The following BRINP3 variants were observed in gnomAD, a reference collection of about 807,000 sequenced individuals.
BRINP3 encodes BMP/retinoic acid-inducible neural-specific protein 3.
Under a neutral mutation model 71.0 loss-of-function variants are expected in BRINP3, and 19 were observed. The ratio of observed to expected loss-of-function variants is 0.27; its 90% CI spans 0.19 to 0.39. The LOEUF is 0.39. Among genes scored for constraint, BRINP3 ranks in the 10% least tolerant of loss-of-function variants. The pLI is 1.00. For missense variants in BRINP3, 959 were observed against 940.8 expected, an observed-to-expected ratio of 1.02 and a Z score of -0.25; for synonymous variants, 380 against 337.7, an observed-to-expected ratio of 1.13 and a Z score of -1.37.
chr1:190,361,869 G>A (rs1669170671), intron 2 of BRINP3, among the ~76,000 whole-genome samples: 1 of 152,134 alleles, frequency 6.6e-6, no homozygotes, highest in Admixed American at 6.6e-5. Context: ...GGTGGTAAAT[G>A]TTTGAGTTCT....
chr1:190,176,715 G>C (rs1652537865), intron 6 of BRINP3, among the ~76,000 whole-genome samples: 1 of 152,028 alleles, frequency 6.6e-6, no homozygotes, highest in African/African-American at 2.4e-5. Flanking sequence ...GAAGGGACGG[G>C]CTACGTTAAA....
At chr1:190,284,226 A>G (rs1301936725) in intron 2 of BRINP3, among the ~76,000 whole-genome samples, 1 of 152,040 alleles carries the variant, frequency 6.6e-6, no homozygotes, top group African/African-American at 2.4e-5. Flanking sequence ...CTCTTAAATA[A>G]GAACAATAGA....
At chr1:190,409,379 T>C (rs1672511206) in intron 2 of BRINP3, among the ~76,000 whole-genome samples, 1 of 152,218 alleles carries the variant, frequency 6.6e-6, no homozygotes, top group South Asian at 2.1e-4. Flanking sequence ...CAGCATAGTT[T>C]AGAAAAACAC....
At chr1:190,352,786 A>C (rs1050215062) in intron 2 of BRINP3, among the ~76,000 whole-genome samples, 2 of 151,938 alleles carry the variant, frequency 1.3e-5, no homozygotes, top group African/African-American at 4.8e-5. Context: ...TAAATTCATA[A>C]GAGAAAATAC....
In BRINP3 at chr1:190,396,713, G is replaced by GATATATATATATATATATATATATATAT. The variant is rs3077327; in HGVS notation, c.236+57941_236+57942insATATATATATATATATATATATATATAT. 1.8e-3 allele frequency among the ~76,000 whole-genome samples: 185 copies of GATATATATATATATATATATATATATAT among 100,908 alleles called. 6 individuals carry two copies. Among genetic ancestry groups the GATATATATATATATATATATATATATAT allele is most frequent in the South Asian group, 4.2e-3 (12 of 2,858 alleles). The allele number at this position is 100,908 out of a possible 152,430, so 66.2% of individuals were successfully genotyped here. ...ACGCACTATGCATTCCTAATTTAAT[G>GATATATATATATATATATATATATATAT]ATATATATATATATATATATATATA... On this transcript the variant is annotated intron_variant, in intron 2 of 7. Transcript: ENST00000367462.
intron 2 of BRINP3, among the ~76,000 whole-genome samples, chr1:190,343,997 T>C (rs1283441267): frequency 6.6e-6 from 1 of 151,718 alleles, no homozygotes; most frequent in Non-Finnish European, 1.5e-5. Context: ...CACAATATCA[T>C]GAGTAGACCT....
At chr1:190,137,961 T>G (rs2102376879) in intron 7 of BRINP3, among the ~76,000 whole-genome samples, 2 of 152,088 alleles carry the variant, frequency 1.3e-5, no homozygotes, top group African/African-American at 4.8e-5. Context: ...TTTTTTTTTT[T>G]GTTTGTATTT....
chr1:190,437,534 A>T (rs981935704), intron 2 of BRINP3, among the ~76,000 whole-genome samples: 1 of 151,800 alleles, frequency 6.6e-6, no homozygotes, highest in Admixed American at 6.6e-5. Context: ...TAAAACTTCA[A>T]TTAATGTTTC....
chr1:190,387,757 T>A (rs1437066529), intron 2 of BRINP3, among the ~76,000 whole-genome samples: 2 of 151,876 alleles, frequency 1.3e-5, no homozygotes, highest in African/African-American at 4.8e-5. Context: ...TTGATAACAC[T>A]AACTTTCTTG....
intron 2 of BRINP3, among the ~76,000 whole-genome samples, chr1:190,323,138 G>A (rs1666356257): frequency 6.6e-6 from 1 of 152,080 alleles, no homozygotes; most frequent in African/African-American, 2.4e-5. Context: ...TAAATAATAG[G>A]CTATCATATG....
At chr1:190,127,015 CAG>C (rs1196066894) in intron 7 of BRINP3, among the ~76,000 whole-genome samples, 1 of 151,756 alleles carries the variant, frequency 6.6e-6, no homozygotes, top group Admixed American at 6.6e-5. Context: ...TGATCACAAA[CAG>C]TATTTATTTA....
intron 2 of BRINP3, among the ~76,000 whole-genome samples, chr1:190,304,236 T>C (rs2103006670): frequency 6.6e-6 from 1 of 151,978 alleles, no homozygotes; most frequent in East Asian, 1.9e-4. Context: ...ACATCTATAA[T>C]AGAAGAATAT....
intron 3 of BRINP3, among the ~76,000 whole-genome samples, chr1:190,277,497 C>A (rs906655221): frequency 6.6e-6 from 1 of 151,580 alleles, no homozygotes; most frequent in African/African-American, 2.4e-5. Context: ...ACATTTAATA[C>A]ATTTTTAATG....
chr1:190,102,662 T>C (rs1393594699), intron 7 of BRINP3, among the ~76,000 whole-genome samples: 1 of 151,954 alleles, frequency 6.6e-6, no homozygotes, highest in Non-Finnish European at 1.5e-5. Flanking sequence ...AGGGGATAAA[T>C]ACATTATAGT....
chr1:190,300,821 T>A (rs938957836), intron 2 of BRINP3, among the ~76,000 whole-genome samples: 1 of 151,726 alleles, frequency 6.6e-6, no homozygotes, highest in Non-Finnish European at 1.5e-5. Flanking sequence ...ACCACAAAGA[T>A]GGGGAAAAAA....
chr1:190,425,485 CAGTATGCT>C (rs1203102153), intron 2 of BRINP3, among the ~76,000 whole-genome samples: 2 of 151,718 alleles, frequency 1.3e-5, no homozygotes, highest in Non-Finnish European at 3.0e-5. Flanking sequence ...AGAAAGCTCA[CAGTATGCT>C]AGAACTAAGA....
chr1:190,268,477 C>A (rs1661838688), intron 3 of BRINP3, among the ~76,000 whole-genome samples: 1 of 152,106 alleles, frequency 6.6e-6, no homozygotes, highest in African/African-American at 2.4e-5. Context: ...ACACAGGAGG[C>A]ATCTCTATTA....
At chr1:190,197,574 G>T (rs1558055675) in intron 6 of BRINP3, among the ~76,000 whole-genome samples, 1 of 152,184 alleles carries the variant, frequency 6.6e-6, no homozygotes. Context: ...CAGGCCCCAT[G>T]CAATCTAGAC....
At chr1:190,210,154 G>T (rs527479655) in intron 6 of BRINP3, among the ~76,000 whole-genome samples, 2 of 152,136 alleles carry the variant, frequency 1.3e-5, no homozygotes, top group South Asian at 2.1e-4. Flanking sequence ...GCTTCTAAGA[G>T]TTTGTGTTTG....
Sources: gnomAD v4.1 joint callset for allele counts (sites outside exome capture counted in the v4.1 genomes callset) on GRCh38, gnomAD v4.1.1 for gene constraint, MANE v1.5 for transcripts, NCBI Gene and HGNC (gene_info 2026-07-23, HGNC 2026-07-21) for gene names.